MACROD2: variants seen among roughly 807,000 people sequenced by gnomAD.
The protein encoded by MACROD2 is mono-ADP ribosylhydrolase 2.
In MACROD2, 36 loss-of-function variants were observed where a neutral mutation model predicts 70.4. The ratio of observed to expected loss-of-function variants is 0.51; its 90% CI spans 0.39 to 0.68. The LOEUF (loss-of-function observed/expected upper bound fraction) is 0.68. Ranked by LOEUF, MACROD2 falls within the 30% of genes least tolerant of loss-of-function variation. MACROD2 has a pLI of 0.00. For synonymous variants in MACROD2, 172 were observed against 178.8 expected (o/e 0.96, Z 0.30); for missense variants, 496 against 538.4 (o/e 0.92, Z 0.78).
At chr20:14,257,061 T>C (rs2082062098) in intron 3 of MACROD2, among the ~76,000 whole-genome samples, 1 of 152,156 alleles carries the variant, frequency 6.6e-6, no homozygotes, top group African/African-American at 2.4e-5. Context: ...AGGGAGACAA[T>C]ATTTGTCACC....
At chr20:14,149,846 T>G (rs957580247) in intron 3 of MACROD2, among the ~76,000 whole-genome samples, 1 of 152,158 alleles carries the variant, frequency 6.6e-6, no homozygotes, top group Non-Finnish European at 1.5e-5. Flanking sequence ...AGTGTTTTTC[T>G]TAAGAGTATT....
intron 6 of MACROD2, among the ~76,000 whole-genome samples, chr20:15,374,705 C>A (rs567919129): frequency 6.6e-6 from 1 of 152,270 alleles, no homozygotes; most frequent in African/African-American, 2.4e-5. Flanking sequence ...ATTTCCTGAA[C>A]CTTCCCACTC....
intron 7 of MACROD2, among the ~76,000 whole-genome samples, chr20:15,459,763 C>T (rs552248765): frequency 6.6e-6 from 1 of 152,192 alleles, no homozygotes; most frequent in African/African-American, 2.4e-5. Flanking sequence ...GATTAGGATA[C>T]AAAGACAGTC....
At chr20:15,660,847 ATTCTTT>A (rs3071293) in intron 8 of MACROD2, among the ~76,000 whole-genome samples, 79,543 of 151,346 alleles carry the variant, frequency 0.53, 21,313 homozygotes, top group East Asian at 0.82. Flanking sequence ...ATTGGATTTC[ATTCTTT>A]TTCTTTTTAT....
intron 4 of MACROD2, among the ~76,000 whole-genome samples, chr20:14,551,655 G>T (rs1044021317): frequency 6.6e-6 from 1 of 152,182 alleles, no homozygotes; most frequent in African/African-American, 2.4e-5. Flanking sequence ...CACAACTTTT[G>T]TGGTGGATTA....
chr20:15,024,726 A>G (rs2075216470), intron 5 of MACROD2, among the ~76,000 whole-genome samples: 4 of 152,294 alleles, frequency 2.6e-5, no homozygotes, highest in African/African-American at 9.6e-5. Context: ...ACTATAGATT[A>G]CCACTGACAC....
intron 8 of MACROD2, among the ~76,000 whole-genome samples, chr20:15,530,645 T>G (rs1426995630): frequency 7.0e-6 from 1 of 142,776 alleles, no homozygotes; most frequent in Non-Finnish European, 1.5e-5. Flanking sequence ...GGCAGGAGAA[T>G]GGCATGAACC....
chr20:15,278,133 G>A lies in MACROD2; in HGVS notation c.540+48072G>A, dbSNP rs76155527. Among the ~76,000 whole-genome samples, 1,304 of 152,292 alleles carry A rather than the reference G, an allele frequency of 8.6e-3. 13 individuals are homozygous for A. The highest frequency in any genetic ancestry group is 0.029 in the African/African-American group (1,210 of 41,556). ...ATGTTACAGTTACAAAACATACTCT[G>A]CCTTTCTGATGCCTAACAATGCATA... On this transcript the variant is annotated intron_variant, in intron 6 of 17. Coordinates refer to ENST00000684519, the MANE Select transcript of MACROD2 (RefSeq NM_001351661.2).
chr20:14,270,715 G>C (rs1303236718), intron 3 of MACROD2, among the ~76,000 whole-genome samples: 1 of 152,100 alleles, frequency 6.6e-6, no homozygotes. Context: ...CACTTCAGGT[G>C]AGAGAGCCAA....
intron 15 of MACROD2, among the ~76,000 whole-genome samples, chr20:15,999,124 A>G (rs1199010191): frequency 6.6e-6 from 1 of 152,092 alleles, no homozygotes; most frequent in Non-Finnish European, 1.5e-5. Flanking sequence ...GTAGGCATTC[A>G]TAACTATAAA....
chr20:14,026,942 C>T (rs868800127), intron 2 of MACROD2, among the ~76,000 whole-genome samples: 24 of 152,200 alleles, frequency 1.6e-4, no homozygotes, highest in Non-Finnish European at 3.1e-4. Context: ...ACAGCGCTCA[C>T]GCTCTGCTAA....
intron 4 of MACROD2, among the ~76,000 whole-genome samples, chr20:14,633,652 A>T (rs1984633275): frequency 1.3e-5 from 2 of 152,092 alleles, no homozygotes; most frequent in Admixed American, 1.3e-4. Flanking sequence ...AGTCACCATC[A>T]TCCCAGTTAT....
chr20:15,182,399 G>A (rs1369538008), intron 5 of MACROD2, among the ~76,000 whole-genome samples: 1 of 152,054 alleles, frequency 6.6e-6, no homozygotes, highest in African/African-American at 2.4e-5. Flanking sequence ...TAAAGGTGGT[G>A]GGGAAATATG....
intron 5 of MACROD2, among the ~76,000 whole-genome samples, chr20:15,067,445 G>A (rs1487314991): frequency 2.6e-5 from 4 of 152,092 alleles, no homozygotes; most frequent in African/African-American, 9.7e-5. Context: ...TGTCTCCCAG[G>A]TTCGAGTGAT....
intron 8 of MACROD2, among the ~76,000 whole-genome samples, chr20:15,541,569 C>T (rs2047956191): frequency 6.6e-6 from 1 of 152,136 alleles, no homozygotes; most frequent in Non-Finnish European, 1.5e-5. Flanking sequence ...CGCCCCAAAG[C>T]AGCATCTGGT....
At chr20:15,930,533 T>C (rs2065559641) in intron 10 of MACROD2, among the ~76,000 whole-genome samples, 1 of 152,222 alleles carries the variant, frequency 6.6e-6, no homozygotes, top group African/African-American at 2.4e-5. Context: ...GAAAGCAATA[T>C]ACCTGGACCG....
rs76633844 is a variant in MACROD2 at position 14,740,328 on chromosome 20, A to T, written c.418+55369A>T. 7.2e-5 allele frequency among the ~76,000 whole-genome samples: 11 copies of T among 152,242 alleles called. No homozygotes were observed. The East Asian group carries it at 2.1e-3, about 29-fold the overall frequency. On this transcript the variant is annotated intron_variant, in intron 5 of 17. Transcript: ENST00000684519. ...CAACTAGTGTAAGATGCAAAACTCA[A>T]ACGCTGGTCTGTCTGTCTCCAATGC...
intron 4 of MACROD2, among the ~76,000 whole-genome samples, chr20:14,527,899 T>C (rs1256287878): frequency 6.6e-6 from 1 of 152,128 alleles, no homozygotes; most frequent in Non-Finnish European, 1.5e-5. Flanking sequence ...ACCATTATGG[T>C]TTAGGAAAAT....
At chr20:15,696,106 T>A (rs530770447) in intron 8 of MACROD2, among the ~76,000 whole-genome samples, 3 of 152,220 alleles carry the variant, frequency 2.0e-5, no homozygotes, top group African/African-American at 4.8e-5. Flanking sequence ...AGAGTGGGCA[T>A]CCTTGTCTTG....
Sources: gnomAD v4.1 joint callset for allele counts (sites outside exome capture counted in the v4.1 genomes callset) on GRCh38, gnomAD v4.1.1 for gene constraint, MANE v1.5 for transcripts, NCBI Gene and HGNC (gene_info 2026-07-23, HGNC 2026-07-21) for gene names.